The following DLG1 variants were observed in gnomAD, a reference collection of about 807,000 sequenced individuals.
The protein encoded by DLG1 is disks large homolog 1.
A neutral mutation model predicts 123.4 loss-of-function variants in DLG1; 42 were observed. The ratio of observed to expected loss-of-function variants is 0.34; its 90% CI spans 0.27 to 0.44. DLG1 has a LOEUF of 0.44. Ranked by LOEUF, DLG1 falls within the 20% of genes least tolerant of loss-of-function variation. The probability of loss-of-function intolerance (pLI) is 1.00; values close to 1 mark genes in which losing one functional copy is unlikely to be tolerated. For synonymous variants in DLG1, 317 were observed against 356.2 expected, an observed-to-expected ratio of 0.89 and a Z score of 1.24; for missense variants, 942 against 1,082.6, an observed-to-expected ratio of 0.87 and a Z score of 1.82.
intron 5 of DLG1, among the ~76,000 whole-genome samples, chr3:197,186,019 AAAT>A (rs1391856173): frequency 6.6e-6 from 1 of 152,206 alleles, no homozygotes; most frequent in Non-Finnish European, 1.5e-5. Context: ...TACAGGGAAG[AAAT>A]ACTTCTTGAT....
chr3:197,229,486 G>A (rs1371478755), intron 4 of DLG1, among the ~76,000 whole-genome samples: 1 of 147,628 alleles, frequency 6.8e-6, no homozygotes, highest in African/African-American at 2.5e-5. Context: ...GTCCTAGACA[G>A]TGAAGTTATA....
chr3:197,273,457 C>T (rs1048018006), intron 4 of DLG1, among the ~76,000 whole-genome samples: 9 of 151,852 alleles, frequency 5.9e-5, no homozygotes, highest in Non-Finnish European at 1.3e-4. Context: ...AGGCTGGTTT[C>T]GAACTCCTGA....
At chr3:197,146,006 AAATAAAT>A (rs1790595252) in intron 6 of DLG1, among the ~76,000 whole-genome samples, 2 of 151,510 alleles carry the variant, frequency 1.3e-5, no homozygotes, top group African/African-American at 4.8e-5. Context: ...ATAAATAAAT[AAATAAAT>A]AAATAAAATA....
intron 24 of DLG1, 100 bp downstream of exon 24, chr3:197,051,477 T>C: frequency 1.2e-6 from 1 of 859,160 alleles, no homozygotes; most frequent in Admixed American, 2.1e-5. Context: ...TTACTACGGG[T>C]AGATGTAGGC....
In DLG1 at chr3:197,071,244, G is replaced by C. The variant is rs570478687; in HGVS notation, c.2006-1984C>G. ...GGGGTGAAGGGAGGGGAGTGTAAGT[G>C]GGAGTACAGAAGAAACAGAATTGGC... is the stretch of plus-strand genomic sequence containing the variant. On this transcript the variant is annotated intron_variant, in intron 18 of 24. Transcript: ENST00000667157. 7.9e-5 allele frequency among the ~76,000 whole-genome samples: 12 copies of C among 152,218 alleles called. No homozygotes were observed. The South Asian group carries it at 2.5e-3, about 32-fold the overall frequency.
chr3:197,091,057 A>G (rs376065751), intron 14 of DLG1, 31 bp from the exon 15 acceptor site: 1 of 1,422,974 alleles, frequency 7.0e-7, no homozygotes, highest in Non-Finnish European at 9.9e-7. Flanking sequence ...ATAAATTGAT[A>G]TATTTTCAAA....
chr3:197,177,386 T>G (rs992727451), intron 5 of DLG1, among the ~76,000 whole-genome samples: 2 of 152,202 alleles, frequency 1.3e-5, no homozygotes, highest in African/African-American at 4.8e-5. Context: ...ATTGTCTACC[T>G]ACCCTATACG....
intron 18 of DLG1, among the ~76,000 whole-genome samples, chr3:197,071,975 G>A (rs566428293): frequency 5.5e-4 from 84 of 152,266 alleles, no homozygotes; most frequent in African/African-American, 1.9e-3. Context: ...CACAAGACAT[G>A]TATAAGAATG....
intron 4 of DLG1, among the ~76,000 whole-genome samples, chr3:197,246,124 C>T (rs111272041): frequency 0.028 from 4,190 of 152,198 alleles, 190 homozygotes; most frequent in African/African-American, 0.092. Flanking sequence ...CATGTTTGAG[C>T]GGACCGATTA....
At chr3:197,057,531 AAC>A (rs1401262190) in intron 23 of DLG1, among the ~76,000 whole-genome samples, 2 of 152,222 alleles carry the variant, frequency 1.3e-5, no homozygotes, top group Non-Finnish European at 2.9e-5. Flanking sequence ...TGATACTATC[AAC>A]AGTTTACCAA....
intron 6 of DLG1, among the ~76,000 whole-genome samples, chr3:197,147,818 T>TA (rs962813419): frequency 3.9e-4 from 56 of 143,540 alleles, no homozygotes; most frequent in East Asian, 1.0e-3. Flanking sequence ...TTACTGAAAT[T>TA]AAAAAAAAAA....
chr3:197,136,193 A>G (rs556803120), intron 10 of DLG1: 1 of 165,382 alleles, frequency 6.0e-6, no homozygotes, highest in South Asian at 1.7e-4. Flanking sequence ...CTGGGTAATT[A>G]CTAGGTTTCA....
rs1378755244 is a variant in DLG1, at chr3:197,043,699, G to A, written c.*924C>T. 6.6e-6 allele frequency: 1 copy of A among 151,672 alleles called. No individual in the cohort carries two copies. The highest frequency in any genetic ancestry group is 2.4e-5 in the African/African-American group (1 of 41,336). 9.4% of individuals were successfully genotyped at this position (151,672 alleles called of 1,614,324 possible). A position where few individuals can be genotyped will look rare whatever the true frequency, so the allele number is the denominator to read the frequency against. ...TATTATAACAAAATAGGCAGCTATT[G>A]TGGGTAAAATATTCAGTAAAATCTG... On this transcript the variant is annotated 3_prime_UTR_variant, in exon 25 of 25. Coordinates refer to ENST00000667157, the MANE Select transcript of DLG1 (RefSeq NM_001366207.1).
At chr3:197,286,181 T>TA (rs1771737183) in intron 3 of DLG1, among the ~76,000 whole-genome samples, 2 of 152,160 alleles carry the variant, frequency 1.3e-5, no homozygotes, top group Non-Finnish European at 2.9e-5. Flanking sequence ...ATGGAGACAG[T>TA]AAAAAGATCA....
chr3:197,078,550 T>C (rs1202949495), intron 17 of DLG1: 2 of 152,164 alleles, frequency 1.3e-5, no homozygotes, highest in African/African-American at 4.8e-5. Flanking sequence ...AAAAGAGAAC[T>C]CTAAGTAGAA....
intron 4 of DLG1, among the ~76,000 whole-genome samples, chr3:197,267,562 C>CT (rs2151012366): frequency 2.0e-5 from 1 of 50,600 alleles, no homozygotes; most frequent in Non-Finnish European, 4.2e-5. Context: ...CGTAGTTTGC[C>CT]TTTTTTTCTT....
chr3:197,267,620 A>G (rs1479245314), intron 4 of DLG1, among the ~76,000 whole-genome samples: 2 of 151,794 alleles, frequency 1.3e-5, no homozygotes, highest in East Asian at 1.9e-4. Context: ...CCTTCTCCAC[A>G]GTAACTGTTC....
At chr3:197,242,430 C>T (rs1749404705) in intron 4 of DLG1, among the ~76,000 whole-genome samples, 1 of 151,948 alleles carries the variant, frequency 6.6e-6, no homozygotes, top group Non-Finnish European at 1.5e-5. Context: ...ACAAACTAGA[C>T]CTAATAGGCC....
rs572585581 is a variant in DLG1 at position 197,159,003 on chromosome 3, T to C, written c.484-9207A>G. On this transcript the variant is annotated intron_variant, in intron 5 of 24. Transcript: ENST00000667157. ...ATAGGCTAGTATCACAGAGATTATG[T>C]GTTTACACTCCCAGTAAGAAGAACT... Among the ~76,000 whole-genome samples the C allele has an allele frequency of 6.9e-3, 1,057 of 152,298 alleles. 9 individuals carry two copies. Among genetic ancestry groups the C allele is most frequent in the Non-Finnish European group, 0.012 (795 of 68,012 alleles).
Sources: allele counts gnomAD v4.1 joint callset (sites outside exome capture counted in the v4.1 genomes callset), GRCh38; gene constraint gnomAD v4.1.1; transcripts MANE v1.5; gene names NCBI Gene and HGNC (gene_info 2026-07-23, HGNC 2026-07-21).